HIVEP3: variants seen among roughly 807,000 people sequenced by gnomAD.
HIVEP3 encodes the protein transcription factor HIVEP3.
HIVEP3 carries 49 observed loss-of-function variants against 152.8 expected under a neutral mutation model. That is an observed-to-expected ratio of 0.32 (90% CI 0.26 to 0.41). The LOEUF is 0.41. Among genes scored for constraint, HIVEP3 ranks in the 10% least tolerant of loss-of-function variants. The probability of loss-of-function intolerance (pLI) is 1.00; values close to 1 mark genes in which losing one functional copy is unlikely to be tolerated. For missense variants in HIVEP3, 2,790 were observed against 3,103.3 expected (o/e 0.90, Z 2.40); for synonymous variants, 1,269 against 1,289.0 (o/e 0.98, Z 0.33).
intron 1 of HIVEP3, among the ~76,000 whole-genome samples, chr1:41,815,588 C>A (rs573226185): frequency 6.6e-6 from 1 of 152,138 alleles, no homozygotes; most frequent in Non-Finnish European, 1.5e-5. Context: ...GGGACCTAGA[C>A]AGTTCAAAGG....
chr1:41,725,235 C>T (rs570671170), intron 1 of HIVEP3, among the ~76,000 whole-genome samples: 3 of 152,302 alleles, frequency 2.0e-5, no homozygotes, highest in East Asian at 1.9e-4. Context: ...AAGAACGCTT[C>T]GGGACATGCA....
At chr1:41,783,767 G>A (rs1449484809) in intron 1 of HIVEP3, among the ~76,000 whole-genome samples, 1 of 152,144 alleles carries the variant, frequency 6.6e-6, no homozygotes, top group African/African-American at 2.4e-5. Flanking sequence ...AGGGCCCCTC[G>A]AGGGCTGAAC....
chr1:41,777,960 C>G, intron 1 of HIVEP3, among the ~76,000 whole-genome samples: 1 of 152,256 alleles, frequency 6.6e-6, no homozygotes, highest in East Asian at 1.9e-4. Context: ...CAACGTCACA[C>G]TTTCAACAAA....
At chr1:41,655,291 G>A (rs904982487) in intron 2 of HIVEP3, among the ~76,000 whole-genome samples, 2 of 151,916 alleles carry the variant, frequency 1.3e-5, no homozygotes, top group African/African-American at 4.8e-5. Flanking sequence ...CTACAGCAAA[G>A]AGCCTCTGAG....
intron 1 of HIVEP3, among the ~76,000 whole-genome samples, chr1:41,870,123 T>C (rs184741640): frequency 3.3e-5 from 5 of 152,186 alleles, no homozygotes; most frequent in East Asian, 1.9e-4. Flanking sequence ...CCAAACATAG[T>C]GCCCCTATGA....
At chr1:41,573,487 T>C (rs1644281634) in intron 5 of HIVEP3, among the ~76,000 whole-genome samples, 1 of 152,194 alleles carries the variant, frequency 6.6e-6, no homozygotes, top group Admixed American at 6.5e-5. Context: ...GATCTGACAC[T>C]ATAATCAGTT....
chr1:41,802,238 CAG>C (rs1366901059), intron 1 of HIVEP3, among the ~76,000 whole-genome samples: 5 of 152,166 alleles, frequency 3.3e-5, no homozygotes, highest in South Asian at 4.1e-4. Context: ...TTTTTGGAGA[CAG>C]AGTCTTGCTC....
chr1:41,738,812 C>T (rs1646954797), intron 1 of HIVEP3, among the ~76,000 whole-genome samples: 1 of 150,810 alleles, frequency 6.6e-6, no homozygotes, highest in Admixed American at 6.6e-5. Flanking sequence ...CCATAAATGC[C>T]CGCCTCCCTG....
chr1:41,999,042 C>T (rs1339408528), intron 1 of HIVEP3, among the ~76,000 whole-genome samples: 3 of 151,578 alleles, frequency 2.0e-5, no homozygotes, highest in Non-Finnish European at 4.4e-5. Flanking sequence ...ACTACAGGTG[C>T]ATGCCACTAC....
At chr1:41,702,857 A>G (rs1421116100) in intron 1 of HIVEP3, among the ~76,000 whole-genome samples, 1 of 152,232 alleles carries the variant, frequency 6.6e-6, no homozygotes, top group Admixed American at 6.5e-5. Flanking sequence ...CAGGACCCTG[A>G]AAAACCCCAA....
chr1:41,790,538 T>C (rs1006593958), intron 1 of HIVEP3, among the ~76,000 whole-genome samples: 2 of 152,216 alleles, frequency 1.3e-5, no homozygotes, highest in African/African-American at 4.8e-5. Context: ...TGCTTCTGTT[T>C]TCAGATGTAC....
intron 1 of HIVEP3, among the ~76,000 whole-genome samples, chr1:41,931,352 C>T (rs1362147332): frequency 1.3e-5 from 2 of 151,940 alleles, no homozygotes; most frequent in Non-Finnish European, 2.9e-5. Context: ...GTTCCAACAC[C>T]ATTTGTTGAA....
intron 1 of HIVEP3, among the ~76,000 whole-genome samples, chr1:41,811,093 C>A (rs1650930314): frequency 7.6e-6 from 1 of 131,384 alleles, no homozygotes; most frequent in African/African-American, 3.3e-5. Flanking sequence ...CCTCCAATGA[C>A]CAGATTTTTT....
intron 7 of HIVEP3, among the ~76,000 whole-genome samples, chr1:41,517,496 C>T (rs1642641707): frequency 6.6e-6 from 1 of 152,178 alleles, no homozygotes; most frequent in South Asian, 2.1e-4. Context: ...TTTTGTAAGA[C>T]CACAAATACA....
At position 41,909,302 on chromosome 1, in the gene HIVEP3, T is replaced by C. The variant is rs374967573; in HGVS notation, c.-801+9111A>G. Reference sequence around the variant, plus strand: ...TCTAAAAGCTGTACTTCAGGCTCTATTGGAAAATACCAAAATGAAGTTGGT... The same window carrying C: ...TCTAAAAGCTGTACTTCAGGCTCTACTGGAAAATACCAAAATGAAGTTGGT... On this transcript the variant is annotated intron_variant, in intron 1 of 8. Transcript: ENST00000372583. Among the ~76,000 whole-genome samples, 6 of 152,290 alleles carry C rather than the reference T, an allele frequency of 3.9e-5. No individual in the cohort carries two copies. In the East Asian group the frequency reaches 5.8e-4, roughly 15 times the overall value.
chr1:41,982,534 G>C (rs1328237207), intron 1 of HIVEP3, among the ~76,000 whole-genome samples: 1 of 152,016 alleles, frequency 6.6e-6, no homozygotes, highest in Non-Finnish European at 1.5e-5. Context: ...GTTTTATCTT[G>C]TATGACCTAC....
chr1:41,539,416 T>G (rs1195463618), intron 5 of HIVEP3, among the ~76,000 whole-genome samples: 1 of 152,200 alleles, frequency 6.6e-6, no homozygotes, highest in African/African-American at 2.4e-5. Context: ...CCTCAAACAA[T>G]TCCACATGTG....
chr1:41,513,443 G>A lies in HIVEP3; in HGVS notation c.5778C>T (p.Ala1926=). 1 of 1,612,024 alleles carries A rather than the reference G, an allele frequency of 6.2e-7. No individual in the cohort carries two copies. Among genetic ancestry groups the A allele is most frequent in the Non-Finnish European group, 8.5e-7 (1 of 1,179,706 alleles). Reference sequence around the variant, plus strand: ...TCTGGCTGGACATGGAGCAGCTGCTGGCTGTCAGGCGCTCAGCTTCCGAGA... The same window carrying A: ...TCTGGCTGGACATGGAGCAGCTGCTAGCTGTCAGGCGCTCAGCTTCCGAGA... ...SSVSEAERLT[A]SSCSMSSQSM... Residue 1926 remains alanine, a synonymous_variant, in exon 8 of 9, where the codon GCC becomes GCT. Transcript: ENST00000372583.
intron 1 of HIVEP3, among the ~76,000 whole-genome samples, chr1:42,025,896 C>G (rs1243244779): frequency 6.6e-6 from 1 of 151,982 alleles, no homozygotes; most frequent in Non-Finnish European, 1.5e-5. Context: ...ATGGCAAAAC[C>G]CTGTCTCTAC....
Sources: gnomAD v4.1 joint callset for allele counts (sites outside exome capture counted in the v4.1 genomes callset) on GRCh38, gnomAD v4.1.1 for gene constraint, MANE v1.5 for transcripts, NCBI Gene and HGNC (gene_info 2026-07-23, HGNC 2026-07-21) for gene names.